RYR3: variants seen among roughly 807,000 people sequenced by gnomAD.
RYR3 encodes the protein ryanodine receptor 3.
A neutral mutation model predicts 584.3 loss-of-function variants in RYR3; 207 were observed. The ratio of observed to expected loss-of-function variants is 0.35; its 90% CI spans 0.32 to 0.40. The LOEUF (loss-of-function observed/expected upper bound fraction) is 0.40, where lower values mean the gene tolerates loss of function less well. Among genes scored for constraint, RYR3 ranks in the 10% least tolerant of loss-of-function variants. RYR3 has a pLI of 1.00. For synonymous variants in RYR3, 2,416 were observed against 2,248.5 expected (o/e 1.07, Z -2.11); for missense variants, 5,616 against 6,089.2 (o/e 0.92, Z 2.59).
chr15:33,697,799 G>C, intron 39 of RYR3, 83 bp from the exon 40 acceptor site: 1 of 808,956 alleles, frequency 1.2e-6, no homozygotes, highest in Non-Finnish European at 2.2e-6. Context: ...TTGCCCTCTC[G>C]TGTGTTTGTG....
At chr15:33,314,477 C>T (rs777437783) in intron 1 of RYR3, among the ~76,000 whole-genome samples, 11 of 152,190 alleles carry the variant, frequency 7.2e-5, no homozygotes, top group Non-Finnish European at 1.6e-4. Flanking sequence ...TAGGAGAAAA[C>T]TTTTCTCTCC....
At chr15:33,381,088 T>C (rs1258963366) in intron 1 of RYR3, among the ~76,000 whole-genome samples, 1 of 152,188 alleles carries the variant, frequency 6.6e-6, no homozygotes, top group African/African-American at 2.4e-5. Flanking sequence ...AACCTCTACT[T>C]TGAAAGCGTT....
intron 1 of RYR3, among the ~76,000 whole-genome samples, chr15:33,466,001 C>A (rs1475689555): frequency 6.6e-6 from 1 of 152,152 alleles, no homozygotes; most frequent in Non-Finnish European, 1.5e-5. Flanking sequence ...TGGGGAGATA[C>A]TCAGAAATCT....
intron 66 of RYR3, 41 bp from the exon 67 acceptor site, chr15:33,788,177 C>T: frequency 1.2e-6 from 2 of 1,610,948 alleles, no homozygotes; most frequent in Non-Finnish European, 8.5e-7. Context: ...CATCAATTGC[C>T]ATAATACGTG....
At chr15:33,750,369 A>T in intron 57 of RYR3, 83 bp downstream of exon 57, 1 of 1,379,556 alleles carries the variant, frequency 7.2e-7, no homozygotes, top group East Asian at 2.4e-5. Flanking sequence ...AACCCATCCA[A>T]GTAAGGAGAA....
At chr15:33,656,228 C>G (rs2062815643) in intron 32 of RYR3, among the ~76,000 whole-genome samples, 1 of 152,214 alleles carries the variant, frequency 6.6e-6, no homozygotes, top group South Asian at 2.1e-4. Flanking sequence ...CAAAACAGAT[C>G]AGCCAGTGAT....
intron 63 of RYR3, among the ~76,000 whole-genome samples, chr15:33,772,408 C>T (rs2073643835): frequency 6.6e-6 from 1 of 152,120 alleles, no homozygotes; most frequent in Non-Finnish European, 1.5e-5. Context: ...CAGAATTTCC[C>T]ATCTGCCTGT....
intron 1 of RYR3, among the ~76,000 whole-genome samples, chr15:33,434,048 G>T (rs374671877): frequency 6.6e-6 from 1 of 152,120 alleles, no homozygotes; most frequent in Non-Finnish European, 1.5e-5. Context: ...AAAATCCTAG[G>T]ATAATAGTTT....
intron 1 of RYR3, among the ~76,000 whole-genome samples, chr15:33,408,952 T>G (rs1176626789): frequency 6.6e-6 from 1 of 152,164 alleles, no homozygotes; most frequent in African/African-American, 2.4e-5. Context: ...CTCACAAATC[T>G]GTCAGAGGGG....
At chr15:33,353,117 T>C (rs962254461) in intron 1 of RYR3, among the ~76,000 whole-genome samples, 2 of 152,208 alleles carry the variant, frequency 1.3e-5, no homozygotes, top group South Asian at 2.1e-4. Flanking sequence ...CTAAGGTATA[T>C]GAGTGCATTT....
chr15:33,492,174 T>G (rs1207810269), intron 2 of RYR3, among the ~76,000 whole-genome samples: 1 of 152,178 alleles, frequency 6.6e-6, no homozygotes, highest in Non-Finnish European at 1.5e-5. Context: ...GAGTGTTACG[T>G]GCTTTCTTGC....
At chr15:33,757,875 C>T (rs2072008208) in intron 60 of RYR3, 1 of 428,496 alleles carries the variant, frequency 2.3e-6, no homozygotes, top group South Asian at 2.7e-5. Flanking sequence ...AGGAACAGCT[C>T]TGGTCTGTAG....
chr15:33,745,961 C>A, intron 52 of RYR3, 107 bp from the exon 53 acceptor site: 1 of 758,892 alleles, frequency 1.3e-6, no homozygotes, highest in Non-Finnish European at 2.3e-6. Flanking sequence ...TAAGCCCTGT[C>A]ACTATCCATT....
At chr15:33,374,398 G>GTGTGTGTGTGTA (rs1440338013) in intron 1 of RYR3, among the ~76,000 whole-genome samples, 1 of 130,442 alleles carries the variant, frequency 7.7e-6, no homozygotes, top group Non-Finnish European at 1.7e-5. Flanking sequence ...GTGTGTGTGT[G>GTGTGTGTGTGTA]TATATATATC....
intron 1 of RYR3, among the ~76,000 whole-genome samples, chr15:33,460,123 G>A (rs2047895481): frequency 6.6e-6 from 1 of 152,182 alleles, no homozygotes; most frequent in South Asian, 2.1e-4. Flanking sequence ...TAATGGCAGG[G>A]CATATGGTCA....
intron 1 of RYR3, among the ~76,000 whole-genome samples, chr15:33,467,245 C>T (rs62015586): frequency 0.22 from 33,734 of 152,256 alleles, 4,078 homozygotes; most frequent in Middle Eastern, 0.31. Flanking sequence ...CTGGATGGCA[C>T]TCTGTCCCAC....
rs148818748 is a variant in RYR3, at chr15:33,662,923, G to A, written c.5393G>A (p.Arg1798Gln). ...CCTGTCAAAGGCTTGTTGCAGACTC[G>A]ATTACCCGAATCCGTCAAGCTGCAG... ...EAPVKGLLQT[R>Q]LPESVKLQMC... Residue 1798 changes from arginine to glutamine, a missense_variant, in exon 35 of 104, where the codon CGA (arginine) becomes CAA (glutamine). Physicochemically the swap from Arg to Gln is conservative, Grantham distance 43 (BLOSUM62 1). Around this residue, in one of 9 missense-constraint regions of RYR3, gnomAD observed 753 missense variants for 741.0 expected, o/e 1.02. Coordinates refer to ENST00000634891, the MANE Select transcript of RYR3 (RefSeq NM_001036.6). The A allele has an allele frequency of 8.3e-4, 1,338 of 1,612,816 alleles. 1 individual carries two copies. The highest frequency in any genetic ancestry group is 2.0e-3 in the Admixed American group (118 of 60,016).
chr15:33,854,124 A>T (rs1597043568), intron 96 of RYR3, among the ~76,000 whole-genome samples: 1 of 150,244 alleles, frequency 6.7e-6, no homozygotes, highest in African/African-American at 2.5e-5. Flanking sequence ...TGAACCTGGC[A>T]GGTGGAGGTT....
chr15:33,661,591 C>T (rs2063167462), intron 34 of RYR3, among the ~76,000 whole-genome samples: 1 of 152,022 alleles, frequency 6.6e-6, no homozygotes, highest in Non-Finnish European at 1.5e-5. Flanking sequence ...CAGGATGAAA[C>T]TGTTGCACCT....
Sources: gnomAD v4.1 joint callset for allele counts (sites outside exome capture counted in the v4.1 genomes callset) on GRCh38, gnomAD v4.1.1 for gene constraint, gnomAD v4.1.1 regional missense constraint, MANE v1.5 for transcripts, NCBI Gene and HGNC (gene_info 2026-07-23, HGNC 2026-07-21) for gene names.